The following DNAH12 variants were observed in gnomAD, a reference collection of about 807,000 sequenced individuals.
DNAH12 encodes the protein dynein axonemal heavy chain 12.
DNAH12 carries 285 observed loss-of-function variants against 371.5 expected under a neutral mutation model. The ratio of observed to expected loss-of-function variants is 0.77; its 90% CI spans 0.70 to 0.85. DNAH12 has a LOEUF of 0.85. Ranked by LOEUF, DNAH12 falls within the 40% of genes least tolerant of loss-of-function variation. DNAH12 has a pLI of 0.00. For synonymous variants in DNAH12, 1,200 were observed against 1,213.0 expected, an observed-to-expected ratio of 0.99 and a Z score of 0.22; for missense variants, 3,611 against 3,689.4, an observed-to-expected ratio of 0.98 and a Z score of 0.55.
At chr3:57,471,824 A>T (rs116565723) in intron 14 of DNAH12, among the ~76,000 whole-genome samples, 2,118 of 152,332 alleles carry the variant, frequency 0.014, 31 homozygotes, top group African/African-American at 0.047. Flanking sequence ...ACTTGTATTC[A>T]TTAATTAAAT....
rs1188808762 is a variant in DNAH12 at position 57,384,942 on chromosome 3, T to G, written c.7747A>C (p.Ile2583Leu). Reference sequence around the variant, plus strand: ...GCTTCTTCAGCTTTCCCACTGGCTATCTCTTCATCCAATTTCACAAATTGT... The same window carrying G: ...GCTTCTTCAGCTTTCCCACTGGCTAGCTCTTCATCCAATTTCACAAATTGT... Reference protein sequence around the residue: ...KRQFVKLDEEIASGKAEEAQA... With the variant: ...KRQFVKLDEELASGKAEEAQA... The change falls in exon 49 of 74, where the codon ATA becomes CTA. Residue 2583 changes from isoleucine to leucine, a missense_variant. By Grantham distance (5) the Ile-to-Leu change is conservative. Transcript: ENST00000495027. The G allele has an allele frequency of 1.3e-5, 2 of 152,206 alleles. No homozygotes were observed. Among genetic ancestry groups the G allele is most frequent in the African/African-American group, 2.4e-5 (1 of 41,452 alleles). 9.4% of individuals were successfully genotyped at this position (152,206 alleles called of 1,614,324 possible). A position where few individuals can be genotyped will look rare whatever the true frequency, so the allele number is the denominator to read the frequency against.
Position 57,392,866 on chromosome 3 carries a change from G to A in DNAH12, c.7111-800C>T, listed in dbSNP as rs987493519. On this transcript the variant is annotated intron_variant, in intron 44 of 73. Transcript: ENST00000495027. ...AGCTTAGGAAATTCCATTCCCCAAA[G>A]GTGACTATTCCTTGGATGGGCATAT... 8.9e-3 allele frequency among the ~76,000 whole-genome samples: 1,334 copies of A among 149,688 alleles called. 19 individuals are homozygous for A. Among genetic ancestry groups the A allele is most frequent in the African/African-American group, 0.032 (1,257 of 39,026 alleles).
intron 34 of DNAH12, among the ~76,000 whole-genome samples, chr3:57,425,956 G>A (rs553310302): frequency 3.3e-5 from 5 of 152,108 alleles, no homozygotes; most frequent in Non-Finnish European, 5.9e-5. Context: ...GGTAGGAGGC[G>A]GCTGCTAGAG....
At chr3:57,331,872 C>T (rs1419765974) in intron 62 of DNAH12, among the ~76,000 whole-genome samples, 3 of 152,092 alleles carry the variant, frequency 2.0e-5, no homozygotes, top group Non-Finnish European at 4.4e-5. Context: ...TCTGATCGCC[C>T]TCCATATCTG....
intron 11 of DNAH12, among the ~76,000 whole-genome samples, chr3:57,499,833 G>C (rs2067470417): frequency 6.8e-6 from 1 of 146,696 alleles, no homozygotes. Flanking sequence ...GTGAGACCCT[G>C]TCTCAAAAAA....
chr3:57,523,838 T>A lies in DNAH12; in HGVS notation c.217A>T (p.Thr73Ser). The A allele has an allele frequency of 6.2e-7, 1 of 1,607,802 alleles. No individual in the cohort carries two copies. The highest frequency in any genetic ancestry group is 8.5e-7 in the Non-Finnish European group (1 of 1,177,874). ...TAATCAGGTGGTGGTAATAGAGGTG[T>A]TCTTTTACCCAGTGTTCTGTCTAAA... is the stretch of plus-strand genomic sequence containing the variant. ...RNLDRTLGKRTPLLPPPDYPQ... is the reference protein window; with the variant it reads ...RNLDRTLGKRSPLLPPPDYPQ... The change falls in exon 3 of 74, where the codon ACA becomes TCA. Residue 73 changes from threonine (T) to serine (S), a missense_variant. By Grantham distance (58) the Thr-to-Ser change is moderately conservative. This residue lies in a region of DNAH12 where 1,314 missense variants were observed against 1,398.7 expected (regional missense o/e 0.94). Coordinates refer to ENST00000495027, the MANE Select transcript of DNAH12 (RefSeq NM_001366028.2).
chr3:57,392,990 TTTGTTGTTGTTG>T (rs1168007044), intron 44 of DNAH12, among the ~76,000 whole-genome samples: 2 of 152,238 alleles, frequency 1.3e-5, no homozygotes, highest in East Asian at 3.9e-4. Flanking sequence ...AACATGGGTT[TTTGTTGTTGTTG>T]TTGTTGTTTT....
rs145702714 is a variant in DNAH12 at position 57,315,839 on chromosome 3, T to C, written c.10525-1208A>G. Among the ~76,000 whole-genome samples the C allele has an allele frequency of 3.7e-4, 56 of 152,230 alleles. No homozygotes were observed. The Middle Eastern group carries it at 0.01, about 28-fold the overall frequency. On this transcript the variant is annotated intron_variant, in intron 65 of 73. Transcript: ENST00000495027. ...TGATAATTTCTCCACATTTTTGGTC[T>C]ATGCTTGTGTGTCTACAGGCGAAGA...
In DNAH12 at chr3:57,433,632, A is replaced by T. The variant is rs1053212432; in HGVS notation, c.4839+13T>A. On this transcript the variant is annotated intron_variant, in intron 31 of 73. Transcript: ENST00000495027. ...TTCCATAAGAGAGTTGGGAATACTT[A>T]TATTTAGGTTACCTCATGAGACACT... 1 of 1,542,096 alleles carries T rather than the reference A, an allele frequency of 6.5e-7. No homozygotes were observed. The highest frequency in any genetic ancestry group is 1.4e-5 in the African/African-American group (1 of 72,578).
intron 39 of DNAH12, among the ~76,000 whole-genome samples, chr3:57,409,862 T>C (rs2064149210): frequency 6.6e-6 from 1 of 152,082 alleles, no homozygotes; most frequent in Middle Eastern, 3.2e-3. Flanking sequence ...ACTAACCATA[T>C]CACCATAAAT....
chr3:57,486,410 A>AT (rs887817684), intron 12 of DNAH12, among the ~76,000 whole-genome samples: 4 of 151,458 alleles, frequency 2.6e-5, no homozygotes, highest in African/African-American at 9.7e-5. Flanking sequence ...TCTCTATTAA[A>AT]TTTTTTTTAA....
At chr3:57,400,763 A>C (rs1559616801) in intron 43 of DNAH12, among the ~76,000 whole-genome samples, 1 of 152,236 alleles carries the variant, frequency 6.6e-6, no homozygotes, top group South Asian at 2.1e-4. Context: ...GGGGACTACC[A>C]TAATAGTAAG....
chr3:57,335,093 CTGT>C (rs1204062562), intron 60 of DNAH12, among the ~76,000 whole-genome samples, 153 bp from the exon 61 acceptor site: 1 of 152,170 alleles, frequency 6.6e-6, no homozygotes, highest in Non-Finnish European at 1.5e-5. Flanking sequence ...AATGAAACAA[CTGT>C]TTTTTTGAAA....
At chr3:57,427,138 A>ATGTGTGTG (rs71088070) in intron 34 of DNAH12, among the ~76,000 whole-genome samples, 19,649 of 138,716 alleles carry the variant, frequency 0.14, 1,633 homozygotes, top group African/African-American at 0.21. Context: ...TAAGAAGCGA[A>ATGTGTGTG]TGTGTGTGTG....
At chr3:57,345,698 T>A (rs1215885996) in intron 60 of DNAH12, among the ~76,000 whole-genome samples, 1 of 152,174 alleles carries the variant, frequency 6.6e-6, no homozygotes, top group Non-Finnish European at 1.5e-5. Flanking sequence ...ATCTTTATAT[T>A]TGTTTATATT....
intron 64 of DNAH12, 31 bp from the exon 65 acceptor site, chr3:57,322,514 A>C: frequency 6.5e-7 from 1 of 1,537,720 alleles, no homozygotes; most frequent in Non-Finnish European, 8.8e-7. Context: ...AGCATTATAC[A>C]AGATAGCAAG....
chr3:57,345,478 C>G (rs530699466), intron 60 of DNAH12, among the ~76,000 whole-genome samples: 1 of 152,134 alleles, frequency 6.6e-6, no homozygotes, highest in African/African-American at 2.4e-5. Flanking sequence ...GAAAAATACA[C>G]GAGAACCATG....
At chr3:57,521,504 A>G (rs1367793791) in intron 4 of DNAH12, among the ~76,000 whole-genome samples, 2 of 152,150 alleles carry the variant, frequency 1.3e-5, no homozygotes, top group Admixed American at 6.5e-5. Flanking sequence ...TCTCTAAAAA[A>G]AAAGAAAAAA....
rs574794285 is a variant in DNAH12 at position 57,405,611 on chromosome 3, G to C, written c.6576+42C>G. ...AACTTAATTGTAACAATTCATATAT[G>C]GTACTGCTTTAACTCAATATGTTCT... On this transcript the variant is annotated intron_variant, in intron 41 of 73. Transcript: ENST00000495027. The C allele has an allele frequency of 1.5e-5, 23 of 1,496,106 alleles. No individual in the cohort carries two copies. The African/African-American group carries it at 2.5e-4, about 16-fold the overall frequency. The allele number at this position is 1,496,106 out of a possible 1,614,324, so 92.7% of individuals were successfully genotyped here. A position where few individuals can be genotyped will look rare whatever the true frequency, so the allele number is the denominator to read the frequency against.
Sources: allele counts gnomAD v4.1 joint callset (sites outside exome capture counted in the v4.1 genomes callset), GRCh38; gene constraint gnomAD v4.1.1; regional missense constraint gnomAD v4.1.1; transcripts MANE v1.5; gene names NCBI Gene and HGNC (gene_info 2026-07-23, HGNC 2026-07-21).